The following ADCY5 variants were observed in gnomAD, a reference collection of about 807,000 sequenced individuals.
ADCY5 encodes the protein adenylate cyclase type 5.
ADCY5 carries 30 observed loss-of-function variants against 119.7 expected under a neutral mutation model. The ratio of observed to expected loss-of-function variants is 0.25; its 90% CI spans 0.19 to 0.34. ADCY5 has a LOEUF of 0.34. ADCY5 is among the 10% of genes least tolerant of loss of function. ADCY5 has a pLI of 1.00. For synonymous variants in ADCY5, 753 were observed against 762.2 expected (o/e 0.99, Z 0.20); for missense variants, 1,324 against 1,775.2 (o/e 0.75, Z 4.57).
At chr3:123,429,508 G>A (rs1288862759) in intron 1 of ADCY5, among the ~76,000 whole-genome samples, 1 of 152,082 alleles carries the variant, frequency 6.6e-6, no homozygotes, top group Non-Finnish European at 1.5e-5. Context: ...CTCATCTCAG[G>A]AGCACGACCC....
intron 12 of ADCY5, among the ~76,000 whole-genome samples, chr3:123,313,096 G>A (rs528027435): frequency 3.2e-4 from 46 of 143,770 alleles, no homozygotes; most frequent in African/African-American, 1.2e-3. Flanking sequence ...TCAGCGTGGC[G>A]TGCTTCTCAC....
At chr3:123,406,160 G>T (rs1282455006) in intron 1 of ADCY5, among the ~76,000 whole-genome samples, 1 of 152,126 alleles carries the variant, frequency 6.6e-6, no homozygotes. Context: ...ATCACCCCAG[G>T]GTCAGGTACT....
intron 2 of ADCY5, among the ~76,000 whole-genome samples, chr3:123,349,508 C>G (rs1407257271): frequency 6.6e-6 from 1 of 152,186 alleles, no homozygotes; most frequent in Non-Finnish European, 1.5e-5. Flanking sequence ...CTGACGCCTG[C>G]ACAGCCCCGA....
intron 1 of ADCY5, among the ~76,000 whole-genome samples, chr3:123,362,462 C>T (rs969215449): frequency 1.1e-4 from 16 of 152,170 alleles, no homozygotes; most frequent in African/African-American, 3.4e-4. Context: ...ACAGCTGTGC[C>T]TTTAGAGAGA....
intron 1 of ADCY5, among the ~76,000 whole-genome samples, chr3:123,440,098 A>ACGT (rs1430701345): frequency 2.0e-5 from 3 of 152,190 alleles, no homozygotes; most frequent in Non-Finnish European, 4.4e-5. Flanking sequence ...CTGCGTGCAG[A>ACGT]CGTCCACCCA....
chr3:123,396,416 A>T (rs1944566632), intron 1 of ADCY5, among the ~76,000 whole-genome samples: 1 of 136,174 alleles, frequency 7.3e-6, no homozygotes, highest in Non-Finnish European at 1.6e-5. Flanking sequence ...AGAAAGAGAG[A>T]GAGAGGGAGG....
intron 1 of ADCY5, among the ~76,000 whole-genome samples, chr3:123,387,636 T>C (rs1944266549): frequency 6.6e-6 from 1 of 152,166 alleles, no homozygotes; most frequent in Non-Finnish European, 1.5e-5. Context: ...ACATGAGATA[T>C]TCAAATCAAG....
intron 8 of ADCY5, among the ~76,000 whole-genome samples, 167 bp from the exon 9 acceptor site, chr3:123,320,938 G>C (rs1249982930): frequency 6.6e-6 from 1 of 152,172 alleles, no homozygotes; most frequent in East Asian, 1.9e-4. Flanking sequence ...TTCACTTGGA[G>C]AATACAGCTG....
chr3:123,295,669 C>A (rs1939454664), intron 17 of ADCY5, among the ~76,000 whole-genome samples: 2 of 152,196 alleles, frequency 1.3e-5, no homozygotes, highest in Admixed American at 1.3e-4. Context: ...TCCCCTACTC[C>A]TCCACTCACC....
intron 1 of ADCY5, among the ~76,000 whole-genome samples, chr3:123,445,802 T>C (rs1410893510): frequency 6.6e-6 from 1 of 152,216 alleles, no homozygotes; most frequent in Non-Finnish European, 1.5e-5. Flanking sequence ...TATTCTGCAC[T>C]GTGCTTAGGT....
At chr3:123,366,785 CAT>C (rs950192759) in intron 1 of ADCY5, among the ~76,000 whole-genome samples, 37 of 152,302 alleles carry the variant, frequency 2.4e-4, no homozygotes, top group African/African-American at 8.4e-4. Context: ...AAACAACAAA[CAT>C]GTGGCTCTGG....
rs141255642 is a variant in ADCY5, at chr3:123,306,818, A to G, written c.2443-2635T>C. Reference sequence around the variant, plus strand: ...CCATGTTCACAGCTGTATTCTTCCTAATAGCCTGAAAGTGGAAACAATTTA... The same window carrying G: ...CCATGTTCACAGCTGTATTCTTCCTGATAGCCTGAAAGTGGAAACAATTTA... On this transcript the variant is annotated intron_variant, in intron 12 of 20. Transcript: ENST00000462833. Among the ~76,000 whole-genome samples the G allele has an allele frequency of 6.2e-3, 942 of 152,380 alleles. 3 individuals carry two copies. The highest frequency in any genetic ancestry group is 8.9e-3 in the Non-Finnish European group (605 of 68,034).
chr3:123,296,562 A>G (rs1939526355), intron 16 of ADCY5, among the ~76,000 whole-genome samples: 1 of 152,186 alleles, frequency 6.6e-6, no homozygotes, highest in Non-Finnish European at 1.5e-5. Context: ...TCTCTGGACA[A>G]GACAGGGGCA....
chr3:123,312,664 T>A (rs1000937932), intron 12 of ADCY5, among the ~76,000 whole-genome samples: 1 of 152,238 alleles, frequency 6.6e-6, no homozygotes, highest in Non-Finnish European at 1.5e-5. Flanking sequence ...TGACCTTTTG[T>A]GTCTGGCTTC....
intron 5 of ADCY5, among the ~76,000 whole-genome samples, chr3:123,329,607 C>T (rs1357774982): frequency 1.3e-5 from 2 of 152,098 alleles, no homozygotes; most frequent in African/African-American, 2.4e-5. Flanking sequence ...AATGGATGAA[C>T]TCAGATTGCA....
chr3:123,432,523 T>C (rs1201562130), intron 1 of ADCY5, among the ~76,000 whole-genome samples: 1 of 152,098 alleles, frequency 6.6e-6, no homozygotes, highest in Non-Finnish European at 1.5e-5. Flanking sequence ...TCCTATTTTT[T>C]TACTTATTTT....
intron 1 of ADCY5, among the ~76,000 whole-genome samples, chr3:123,387,520 C>T (rs1286749796): frequency 6.6e-6 from 1 of 152,128 alleles, no homozygotes; most frequent in Non-Finnish European, 1.5e-5. Context: ...AAGTAGGTGA[C>T]AGTAACAACA....
intron 3 of ADCY5, among the ~76,000 whole-genome samples, chr3:123,341,691 A>T (rs1942289150): frequency 1.3e-5 from 2 of 151,702 alleles, no homozygotes; most frequent in African/African-American, 4.8e-5. Flanking sequence ...TTTTTTTTAA[A>T]GACCCAACCC....
At chr3:123,358,133 A>C (rs539226977) in intron 1 of ADCY5, among the ~76,000 whole-genome samples, 2 of 151,300 alleles carry the variant, frequency 1.3e-5, no homozygotes, top group African/African-American at 2.4e-5. Flanking sequence ...GCCTCACGGG[A>C]CACATCTAAC....
Sources: allele counts gnomAD v4.1 joint callset (sites outside exome capture counted in the v4.1 genomes callset), GRCh38; gene constraint gnomAD v4.1.1; transcripts MANE v1.5; gene names NCBI Gene and HGNC (gene_info 2026-07-23, HGNC 2026-07-21).